Variants in ZNF423 observed in about 807,000 individuals in gnomAD.
ZNF423 encodes zinc finger protein 423.
In ZNF423, 12 loss-of-function variants were observed where a neutral mutation model predicts 95.8. That is an observed-to-expected ratio of 0.13 (90% confidence interval 0.08 to 0.20). The LOEUF (loss-of-function observed/expected upper bound fraction) is 0.20, where lower values mean the gene tolerates loss of function less well. ZNF423 is among the 10% of genes least tolerant of loss of function. The pLI is 1.00. For missense variants in ZNF423, 1,316 were observed against 1,737.1 expected (o/e 0.76, Z 4.31); for synonymous variants, 749 against 711.9 (o/e 1.05, Z -0.83).
intron 3 of ZNF423, among the ~76,000 whole-genome samples, chr16:49,671,460 G>A (rs1189004280): frequency 6.6e-6 from 1 of 152,212 alleles, no homozygotes; most frequent in African/African-American, 2.4e-5. Context: ...CTCCAGCCAA[G>A]AGGAATAGCA....
chr16:49,617,524 A>G (rs950676224), intron 5 of ZNF423, among the ~76,000 whole-genome samples: 21 of 152,230 alleles, frequency 1.4e-4, no homozygotes, highest in Admixed American at 1.2e-3. Context: ...AGCCGGCTCA[A>G]GCAAGATGAT....
intron 2 of ZNF423, among the ~76,000 whole-genome samples, chr16:49,782,496 G>A (rs1033089662): frequency 1.5e-4 from 23 of 152,228 alleles, no homozygotes; most frequent in Admixed American, 8.5e-4. Context: ...ATCACAGTGC[G>A]ACACCAATAA....
intron 5 of ZNF423, among the ~76,000 whole-genome samples, chr16:49,543,299 A>T (rs1165544493): frequency 2.0e-5 from 3 of 152,174 alleles, no homozygotes; most frequent in Non-Finnish European, 4.4e-5. Context: ...AAGCCCAAGC[A>T]GCGGGCCTTC....
At chr16:49,613,809 C>T (rs893946479) in intron 5 of ZNF423, among the ~76,000 whole-genome samples, 3 of 152,106 alleles carry the variant, frequency 2.0e-5, no homozygotes, top group East Asian at 1.9e-4. Context: ...AAACAAAAAA[C>T]TTCAACCTAA....
At chr16:49,831,815 AC>A (rs557004395) in intron 1 of ZNF423, among the ~76,000 whole-genome samples, 58 of 151,998 alleles carry the variant, frequency 3.8e-4, no homozygotes, top group Middle Eastern at 3.4e-3. Context: ...ACATGGCGAA[AC>A]CCCATCTCTA....
At chr16:49,623,985 C>A (rs1972170992) in intron 5 of ZNF423, among the ~76,000 whole-genome samples, 1 of 152,198 alleles carries the variant, frequency 6.6e-6, no homozygotes, top group South Asian at 2.1e-4. Context: ...AAATTTGGAG[C>A]AAACTCCAAC....
At chr16:49,575,558 A>G (rs1044771137) in intron 5 of ZNF423, among the ~76,000 whole-genome samples, 2 of 152,150 alleles carry the variant, frequency 1.3e-5, no homozygotes, top group African/African-American at 4.8e-5. Context: ...CAGCACAGGG[A>G]GATAGGCCCG....
chr16:49,626,322 C>T (rs45575238), intron 4 of ZNF423, 68 bp from the exon 5 acceptor site: 18,146 of 1,484,524 alleles, frequency 0.012, 278 homozygotes, highest in Admixed American at 0.063. Flanking sequence ...AGCAAAAGTT[C>T]CTAGGGGGCC....
At chr16:49,773,293 TG>T (rs945939354) in intron 2 of ZNF423, among the ~76,000 whole-genome samples, 19 of 151,710 alleles carry the variant, frequency 1.3e-4, no homozygotes, top group African/African-American at 4.6e-4. Flanking sequence ...CACTCCAGCC[TG>T]GGTGACAGAG....
intron 5 of ZNF423, among the ~76,000 whole-genome samples, chr16:49,564,147 A>G (rs1970106541): frequency 6.6e-6 from 1 of 152,168 alleles, no homozygotes; most frequent in South Asian, 2.1e-4. Context: ...TGTTAAATGG[A>G]TAGATTTGCT....
chr16:49,545,017 C>A (rs779488381), intron 5 of ZNF423, among the ~76,000 whole-genome samples: 1 of 152,198 alleles, frequency 6.6e-6, no homozygotes, highest in African/African-American at 2.4e-5. Flanking sequence ...GGGCCGGTGC[C>A]GTTATTATTC....
rs980431862 is a variant in ZNF423, at chr16:49,779,698, G to A, written c.100+9789C>T. On this transcript the variant is annotated intron_variant, in intron 2 of 7. Transcript: ENST00000563137. ...ACTGTTTACAGGCAGGCTTCAAGTC[G>A]CCAAAGAACTATTGATTTCCAGTGT... is the stretch of plus-strand genomic sequence containing the variant. 3.3e-5 allele frequency among the ~76,000 whole-genome samples: 5 copies of A among 152,176 alleles called. No homozygotes were observed. In the East Asian group the frequency reaches 7.7e-4, roughly 24 times the overall value.
intron 3 of ZNF423, among the ~76,000 whole-genome samples, chr16:49,717,935 G>C (rs2032754733): frequency 6.6e-6 from 1 of 152,120 alleles, no homozygotes; most frequent in Non-Finnish European, 1.5e-5. Flanking sequence ...GGCCAGTACT[G>C]AACTACTGGA....
chr16:49,499,368 T>G (rs1967295536), intron 7 of ZNF423, among the ~76,000 whole-genome samples: 1 of 152,210 alleles, frequency 6.6e-6, no homozygotes, highest in Admixed American at 6.5e-5. Context: ...CTGTCTCTCA[T>G]GTGAGAGCCT....
At chr16:49,561,190 C>G (rs1970005922) in intron 5 of ZNF423, among the ~76,000 whole-genome samples, 1 of 152,192 alleles carries the variant, frequency 6.6e-6, no homozygotes, top group Non-Finnish European at 1.5e-5. Flanking sequence ...CTTCCCAACT[C>G]CAGATTCAGC....
chr16:49,600,341 T>TA (rs1177079125), intron 5 of ZNF423, among the ~76,000 whole-genome samples: 2 of 150,894 alleles, frequency 1.3e-5, no homozygotes, highest in Non-Finnish European at 3.0e-5. Context: ...AAATAAAAAT[T>TA]AAAAAAATAA....
At chr16:49,519,967 G>A (rs373921219) in intron 7 of ZNF423, among the ~76,000 whole-genome samples, 2 of 152,118 alleles carry the variant, frequency 1.3e-5, no homozygotes, top group East Asian at 1.9e-4. Context: ...TCATGCCATC[G>A]GGCCTCAGCT....
At chr16:49,799,783 T>G (rs2034554060) in intron 1 of ZNF423, among the ~76,000 whole-genome samples, 1 of 152,140 alleles carries the variant, frequency 6.6e-6, no homozygotes, top group Admixed American at 6.5e-5. Context: ...TTTTCTTTGT[T>G]TTGTTTTGGT....
intron 1 of ZNF423, among the ~76,000 whole-genome samples, chr16:49,815,019 G>A (rs1018864534): frequency 2.0e-5 from 3 of 152,148 alleles, no homozygotes; most frequent in African/African-American, 7.2e-5. Context: ...GCCACGTCGG[G>A]GAGGGCAGCC....
Sources: allele counts gnomAD v4.1 joint callset (sites outside exome capture counted in the v4.1 genomes callset), GRCh38; gene constraint gnomAD v4.1.1; transcripts MANE v1.5; gene names NCBI Gene and HGNC (gene_info 2026-07-23, HGNC 2026-07-21).